The following ADAM11 variants were observed in gnomAD, a reference collection of about 807,000 sequenced individuals.
ADAM11 encodes the protein ADAM metallopeptidase domain 11.
A neutral mutation model predicts 119.1 loss-of-function variants in ADAM11; 49 were observed. That is an observed-to-expected ratio of 0.41 (90% confidence interval 0.33 to 0.52). The LOEUF (loss-of-function observed/expected upper bound fraction) is 0.52. ADAM11 is among the 20% of genes least tolerant of loss of function. ADAM11 has a pLI of 0.20. For missense variants in ADAM11, 777 were observed against 1,047.5 expected, an observed-to-expected ratio of 0.74 and a Z score of 3.56; for synonymous variants, 364 against 408.0, an observed-to-expected ratio of 0.89 and a Z score of 1.30.
Position 44,774,866 on chromosome 17 carries a change from G to A in ADAM11, c.1220+117G>A, listed in dbSNP as rs1294199913. The A allele has an allele frequency of 7.7e-6, 10 of 1,300,696 alleles. 1 individual carries two copies. In the Middle Eastern group the frequency reaches 9.9e-4, roughly 129 times the overall value. The allele number at this position is 1,300,696 out of a possible 1,614,324, so 80.6% of individuals were successfully genotyped here. ...AGGCCCAGCTCACAGAACCACTCAG[G>A]ATCCCAAGAAGCCCAGTTTTCCGCA... is the stretch of plus-strand genomic sequence containing the variant. On this transcript the variant is annotated intron_variant, in intron 14 of 26. Coordinates refer to ENST00000200557, the MANE Select transcript of ADAM11 (RefSeq NM_002390.6).
Position 44,770,493 on chromosome 17 carries a change from C to A in ADAM11, c.381+445C>A, listed in dbSNP as rs56102789. ...GTGTCTATAAATAGCCTGTCTCCCC[C>A]CCCCCCGCCCCCACTGCCTGTTCAG... On this transcript the variant is annotated intron_variant, in intron 4 of 26. Transcript: ENST00000200557. 6.3e-4 allele frequency among the ~76,000 whole-genome samples: 30 copies of A among 47,620 alleles called. 1 individual carries two copies. Among genetic ancestry groups the A allele is most frequent in the African/African-American group, 2.5e-3 (29 of 11,628 alleles). The allele number at this position is 47,620 out of a possible 152,430, so 31.2% of individuals were successfully genotyped here.
intron 11 of ADAM11, 57 bp from the exon 12 acceptor site, chr17:44,774,238 A>AC: frequency 8.3e-7 from 1 of 1,203,974 alleles, no homozygotes; most frequent in Non-Finnish European, 1.1e-6. Flanking sequence ...CCCCACCACC[A>AC]CCCGGGGAGC....
At chr17:44,768,369 C>T (rs531806687) in intron 2 of ADAM11, among the ~76,000 whole-genome samples, 5 of 152,290 alleles carry the variant, frequency 3.3e-5, no homozygotes, top group African/African-American at 1.2e-4. Flanking sequence ...GGTCAGCCCA[C>T]CCAGGCCCTG....
At position 44,780,129 on chromosome 17, in the gene ADAM11, C is replaced by A. The variant is rs928412984; in HGVS notation, c.*375C>A. ...TGGATGGCCCCTCCTTGCAACCAGG[C>A]AGCTGAGACCAGGGTCTTACCTCTC... On this transcript the variant is annotated 3_prime_UTR_variant, in exon 27 of 27. Coordinates refer to ENST00000200557, the MANE Select transcript of ADAM11 (RefSeq NM_002390.6). The A allele has an allele frequency of 8.3e-6, 5 of 604,366 alleles. No individual in the cohort carries two copies. Among genetic ancestry groups the A allele is most frequent in the Middle Eastern group, 2.6e-4 (1 of 3,892 alleles). 37.4% of individuals were successfully genotyped at this position (604,366 alleles called of 1,614,324 possible).
Position 44,777,699 on chromosome 17 carries a change from G to A in ADAM11, c.1906G>A (p.Gly636Ser), listed in dbSNP as rs1271838016. Residue 636 changes from glycine (G) to serine (S), a missense_variant, in exon 23 of 27, where the codon GGC becomes AGC. Around this residue, in one of 4 missense-constraint regions of ADAM11, gnomAD observed 348 missense variants for 486.7 expected, o/e 0.72. Transcript: ENST00000200557. This position sits in a 1 kb window ranked among gnomAD's most constrained non-coding sequence, Gnocchi z 5.1. ...HQGKELDCRG[G>S]HVQLADGSDL... Reference sequence around the variant, plus strand: ...CTGGCTGTGTCACTTCCCCAGGGGAGGCCACGTGCAGCTGGCGGACGGCTC... The same window carrying A: ...CTGGCTGTGTCACTTCCCCAGGGGAAGCCACGTGCAGCTGGCGGACGGCTC... The A allele has an allele frequency of 1.9e-6, 3 of 1,613,828 alleles. No individual in the cohort carries two copies. Among genetic ancestry groups the A allele is most frequent in the Non-Finnish European group, 2.5e-6 (3 of 1,179,866 alleles).
At chr17:44,774,942 C>T (rs1191288307) in intron 14 of ADAM11, among the ~76,000 whole-genome samples, 193 bp downstream of exon 14, 1 of 152,252 alleles carries the variant, frequency 6.6e-6, no homozygotes, top group African/African-American at 2.4e-5. Context: ...CAAAACCGGC[C>T]AGGCTGCAGT....
At position 44,779,750 on chromosome 17, in the gene ADAM11, C is replaced by T. The variant is rs1398867348; in HGVS notation, c.2306C>T (p.Ala769Val). 1.9e-6 allele frequency: 3 copies of T among 1,607,278 alleles called. No homozygotes were observed. Among genetic ancestry groups the T allele is most frequent in the Non-Finnish European group, 2.5e-6 (3 of 1,178,182 alleles). ...CCTCTCCGTTCCAGGTCCGGAGGGG[C>T]CTAAGTGCCACCCTCCTCCCTCCAA... ...KNIRRGRSGG[A>V] Residue 769 changes from alanine to valine, a missense_variant, in exon 27 of 27, where the codon GCC becomes GTC. Coordinates refer to ENST00000200557, the MANE Select transcript of ADAM11 (RefSeq NM_002390.6).
intron 1 of ADAM11, chr17:44,759,514 G>T (rs1031907453): frequency 8.0e-7 from 1 of 1,242,820 alleles, no homozygotes; most frequent in Admixed American, 4.2e-5. Context: ...GCGGATGGGG[G>T]GGCAGTCGTG....
At position 44,773,525 on chromosome 17, in the gene ADAM11, G is replaced by C. The variant is rs537844930; in HGVS notation, c.992+98G>C. 2.1e-5 allele frequency: 30 copies of C among 1,445,598 alleles called. No individual in the cohort carries two copies. The South Asian group carries it at 3.8e-4, about 18-fold the overall frequency. The allele number at this position is 1,445,598 out of a possible 1,614,324, so 89.5% of individuals were successfully genotyped here. ...CCCTGTGCTGGCTGCTCCTCTCAGA[G>C]TCTGGGGACTGGGCTCACCTTGCAC... On this transcript the variant is annotated intron_variant, in intron 11 of 26. Coordinates refer to ENST00000200557, the MANE Select transcript of ADAM11 (RefSeq NM_002390.6). This position sits in a 1 kb window ranked among gnomAD's most constrained non-coding sequence, Gnocchi z 4.6.
intron 25 of ADAM11, among the ~76,000 whole-genome samples, chr17:44,778,812 C>G (rs1478555954): frequency 1.3e-5 from 2 of 151,964 alleles, no homozygotes; most frequent in Non-Finnish European, 2.9e-5. Flanking sequence ...AGGTTGAGCC[C>G]CAGCGTGCCT....
intron 6 of ADAM11, 134 bp downstream of exon 6, chr17:44,771,965 C>A: frequency 1.9e-6 from 2 of 1,065,228 alleles, no homozygotes; most frequent in South Asian, 1.6e-5. Flanking sequence ...TTCAGTGACC[C>A]CAGCTCTGGT....
In ADAM11 at chr17:44,773,560, A is replaced by AC; in HGVS notation, c.992+138dup. On this transcript the variant is annotated intron_variant, in intron 11 of 26. Transcript: ENST00000200557. This position sits in a 1 kb window ranked among gnomAD's most constrained non-coding sequence, Gnocchi z 4.6. ...TGGGCTCACCTTGCACCTGCCACCT[A>AC]CCCCCAGCCACATGCAACAGCTGGG... The AC allele has an allele frequency of 1.9e-6, 2 of 1,077,314 alleles. No individual in the cohort carries two copies. Among genetic ancestry groups the AC allele is most frequent in the Non-Finnish European group, 2.6e-6 (2 of 770,358 alleles). The allele number at this position is 1,077,314 out of a possible 1,614,324, so 66.7% of individuals were successfully genotyped here. A position where few individuals can be genotyped will look rare whatever the true frequency, so the allele number is the denominator to read the frequency against.
At chr17:44,759,398 G>C in intron 1 of ADAM11, 138 bp downstream of exon 1, 1 of 1,260,190 alleles carries the variant, frequency 7.9e-7, no homozygotes, top group Non-Finnish European at 1.0e-6. Context: ...AGGGGAGCGG[G>C]AGAGGAGGGA....
At chr17:44,764,824 C>T (rs183931210) in intron 2 of ADAM11, among the ~76,000 whole-genome samples, 2 of 152,166 alleles carry the variant, frequency 1.3e-5, no homozygotes, top group East Asian at 3.9e-4. Flanking sequence ...GCAGAAGAGC[C>T]GATGGTCAAC....
intron 4 of ADAM11, among the ~76,000 whole-genome samples, chr17:44,770,760 T>C (rs2049513919): frequency 6.6e-6 from 1 of 152,168 alleles, no homozygotes; most frequent in Non-Finnish European, 1.5e-5. Flanking sequence ...GGGTACATGG[T>C]AGGTGCTAAA....
At position 44,777,136 on chromosome 17, in the gene ADAM11, G is replaced by T. The variant is rs374869762; in HGVS notation, c.1682-30G>T. The T allele has an allele frequency of 1.9e-4, 302 of 1,578,436 alleles. 2 individuals carry two copies. The highest frequency in any genetic ancestry group is 1.8e-3 in the Middle Eastern group (8 of 4,548). Reference sequence around the variant, plus strand: ...GGTCTTGGGGTGGGTCCTGGGGCGCGTGGGGTCACTTGGCATCCTCTCCCC... The same window carrying T: ...GGTCTTGGGGTGGGTCCTGGGGCGCTTGGGGTCACTTGGCATCCTCTCCCC... On this transcript the variant is annotated intron_variant, in intron 20 of 26. Coordinates refer to ENST00000200557, the MANE Select transcript of ADAM11 (RefSeq NM_002390.6). This position sits in a 1 kb window ranked among gnomAD's most constrained non-coding sequence, Gnocchi z 5.1.
Position 44,776,252 on chromosome 17 carries a change from C to T in ADAM11, c.1566+45C>T. 1.9e-6 allele frequency: 3 copies of T among 1,603,962 alleles called. No individual in the cohort carries two copies. Among genetic ancestry groups the T allele is most frequent in the Non-Finnish European group, 2.6e-6 (3 of 1,172,842 alleles). ...CTTGTGGAGCCCTGGGCGAGGCAAC[C>T]CCTACCCTTGTCGATTTGGTTTTCC... On this transcript the variant is annotated intron_variant, in intron 18 of 26. Coordinates refer to ENST00000200557, the MANE Select transcript of ADAM11 (RefSeq NM_002390.6). The surrounding 1 kb of genome is among the most constrained non-coding windows in gnomAD (Gnocchi z 5.2).
chr17:44,772,764 A>ACC lies in ADAM11; in HGVS notation c.679-87_679-86dup. 1 of 1,148,398 alleles carries ACC rather than the reference A, an allele frequency of 8.7e-7. No homozygotes were observed. The allele number at this position is 1,148,398 out of a possible 1,614,324, so 71.1% of individuals were successfully genotyped here. On this transcript the variant is annotated intron_variant, in intron 8 of 26. Transcript: ENST00000200557. The surrounding 1 kb of genome is among the most constrained non-coding windows in gnomAD (Gnocchi z 4.5). ...GGCACTGTCCCTGGCTGGAGTCCAG[A>ACC]CCCCCCCATCCCCACCGAGTCTGTT...
rs1251154443 is a variant in ADAM11 at position 44,759,739 on chromosome 17, C to T, written c.79C>T (p.Pro27Ser). 6 of 1,324,488 alleles carry T rather than the reference C, an allele frequency of 4.5e-6. No individual in the cohort carries two copies. Among genetic ancestry groups the T allele is most frequent in the Non-Finnish European group, 4.9e-6 (5 of 1,029,696 alleles). The allele number at this position is 1,324,488 out of a possible 1,614,324, so 82.0% of individuals were successfully genotyped here. ...TTCCCCAGGTCTTGGGACCCAAGGT[C>T]CTGCTGGAGCTCTGCGATGGGGGGG... is the stretch of plus-strand genomic sequence containing the variant. ...LPTPGLGTQG[P>S]AGALRWGGLP... The change falls in exon 2 of 27, where the codon CCT (proline) becomes TCT (serine). Residue 27 changes from proline (P) to serine (S), a missense_variant. Around this residue, in one of 4 missense-constraint regions of ADAM11, gnomAD observed 278 missense variants for 310.1 expected, o/e 0.90. Coordinates refer to ENST00000200557, the MANE Select transcript of ADAM11 (RefSeq NM_002390.6).
Sources: allele counts gnomAD v4.1 joint callset (sites outside exome capture counted in the v4.1 genomes callset), GRCh38; gene constraint gnomAD v4.1.1; regional missense constraint gnomAD v4.1.1; non-coding constraint Gnocchi (gnomAD v3.1); transcripts MANE v1.5; gene names NCBI Gene and HGNC (gene_info 2026-07-23, HGNC 2026-07-21).